PPP2R2B: variants seen among roughly 807,000 people sequenced by gnomAD.
The protein encoded by PPP2R2B is serine/threonine-protein phosphatase 2A 55 kDa regulatory subunit B beta isoform.
In PPP2R2B, 5 loss-of-function variants were observed where a neutral mutation model predicts 46.0. The ratio of observed to expected loss-of-function variants is 0.11; its 90% confidence interval spans 0.06 to 0.23. The LOEUF (loss-of-function observed/expected upper bound fraction) is 0.23, where lower values mean the gene tolerates loss of function less well. Among genes scored for constraint, PPP2R2B ranks in the 10% least tolerant of loss-of-function variants. The pLI, the probability that PPP2R2B is intolerant of heterozygous loss-of-function variation, is 1.00. For missense variants in PPP2R2B, 367 were observed against 575.0 expected (o/e 0.64, Z 3.70); for synonymous variants, 215 against 206.7 (o/e 1.04, Z -0.34).
Position 146,604,175 on chromosome 5 carries a change from A to C in PPP2R2B, c.791-3715T>G, listed in dbSNP as rs748933161. Among the ~76,000 whole-genome samples, 76 of 152,340 alleles carry C rather than the reference A, an allele frequency of 5.0e-4. 1 individual carries two copies. Among genetic ancestry groups the C allele is most frequent in the Admixed American group, 3.9e-4 (6 of 15,298 alleles). ...ACAAATGTGGTTACAGTTGTGAATA[A>C]GTGTGATTTTACTGTGTTATCAGAC... is the stretch of plus-strand genomic sequence containing the variant. On this transcript the variant is annotated intron_variant, in intron 7 of 9. Coordinates refer to ENST00000394411, the MANE Select transcript of PPP2R2B (RefSeq NM_181675.4).
chr5:146,697,514 T>G (rs969204953), intron 4 of PPP2R2B, among the ~76,000 whole-genome samples: 1 of 152,226 alleles, frequency 6.6e-6, no homozygotes, highest in Admixed American at 6.5e-5. Context: ...CTTCTTGCCT[T>G]GTGCTCCTAT....
At chr5:146,784,610 T>A (rs1217614841) in intron 2 of PPP2R2B, among the ~76,000 whole-genome samples, 1 of 152,184 alleles carries the variant, frequency 6.6e-6, no homozygotes, top group Non-Finnish European at 1.5e-5. Context: ...ATATAATATA[T>A]ACAGTCTGTA....
chr5:146,831,738 C>T (rs893685913), intron 2 of PPP2R2B, among the ~76,000 whole-genome samples: 6 of 152,238 alleles, frequency 3.9e-5, no homozygotes, highest in South Asian at 2.1e-4. Context: ...TGCAGTGAGC[C>T]GAGATTGTGC....
rs1339368216 is a variant in PPP2R2B at position 146,878,119 on chromosome 5, T to G, written c.-48A>C. On this transcript the variant is annotated 5_prime_UTR_variant, in exon 2 of 10. Transcript: ENST00000394411. The surrounding 1 kb of genome is among the most constrained non-coding windows in gnomAD (Gnocchi z 4.5). ...GGAACCAGAAGCCGGCAGACAAGTA[T>G]CCATGATCCCTCCCCGCAGCCAGTC... 6.2e-7 allele frequency: 1 copy of G among 1,613,494 alleles called. No homozygotes were observed. Among genetic ancestry groups the G allele is most frequent in the African/African-American group, 1.3e-5 (1 of 74,886 alleles).
intron 2 of PPP2R2B, among the ~76,000 whole-genome samples, chr5:146,813,413 C>G (rs1280718331): frequency 2.0e-5 from 3 of 152,060 alleles, no homozygotes; most frequent in Non-Finnish European, 2.9e-5. Flanking sequence ...TACCTATAAA[C>G]TTTGTACCAA....
At chr5:146,701,998 C>G (rs919080116) in intron 2 of PPP2R2B, among the ~76,000 whole-genome samples, 1 of 151,318 alleles carries the variant, frequency 6.6e-6, no homozygotes, top group Admixed American at 6.6e-5. Context: ...GAGGTTAATT[C>G]CCCCACAATT....
At chr5:146,862,075 T>C (rs1442601203) in intron 2 of PPP2R2B, among the ~76,000 whole-genome samples, 1 of 152,204 alleles carries the variant, frequency 6.6e-6, no homozygotes, top group Non-Finnish European at 1.5e-5. Flanking sequence ...TGATCTTAAT[T>C]AGCCAGTACA....
chr5:146,682,916 G>C (rs1018844315), intron 5 of PPP2R2B, among the ~76,000 whole-genome samples: 1 of 152,208 alleles, frequency 6.6e-6, no homozygotes, highest in Non-Finnish European at 1.5e-5. Context: ...CCTTGAGGCA[G>C]GAGGAGACAA....
rs190364445 is a variant in PPP2R2B at position 147,021,453 on chromosome 5, C to A, written c.79+34212G>T. Among the ~76,000 whole-genome samples the A allele has an allele frequency of 7.7e-3, 1,172 of 152,264 alleles. 10 individuals carry two copies. The highest frequency in any genetic ancestry group is 9.9e-3 in the Non-Finnish European group (676 of 68,028). ...GGTTGAATACTAAGATGCACATGTGCAGTGTGAGACTCCACAGGCTTGGCA... is the reference window on the plus strand; with the variant it reads ...GGTTGAATACTAAGATGCACATGTGAAGTGTGAGACTCCACAGGCTTGGCA... On this transcript the variant is annotated intron_variant, in intron 1 of 8. Coordinates refer to the PPP2R2B transcript ENST00000336640.
chr5:146,824,144 T>G (rs771972186), intron 2 of PPP2R2B, among the ~76,000 whole-genome samples: 7 of 152,198 alleles, frequency 4.6e-5, no homozygotes, highest in Non-Finnish European at 4.4e-5. Flanking sequence ...TATATGTAAT[T>G]ATGTCAAATC....
chr5:146,947,390 G>C (rs941346455), intron 1 of PPP2R2B, among the ~76,000 whole-genome samples: 2 of 152,112 alleles, frequency 1.3e-5, no homozygotes, highest in Admixed American at 6.6e-5. Context: ...AGGATCAACA[G>C]GGACCAGCAC....
intron 9 of PPP2R2B, among the ~76,000 whole-genome samples, chr5:146,590,930 TAATGGACA>T (rs1770582690): frequency 1.3e-5 from 2 of 148,150 alleles, no homozygotes; most frequent in Non-Finnish European, 2.9e-5. Flanking sequence ...TTCCCACACT[TAATGGACA>T]GATGGTTTCC....
intron 1 of PPP2R2B, among the ~76,000 whole-genome samples, chr5:146,959,712 G>A (rs1752084972): frequency 6.6e-6 from 1 of 152,174 alleles, no homozygotes; most frequent in South Asian, 2.1e-4. Flanking sequence ...AGCCAGGCAA[G>A]GGAAGAGGAG....
chr5:147,056,253 G>T, upstream of PPP2R2B: 1 of 306,888 alleles, frequency 3.3e-6, no homozygotes, highest in Non-Finnish European at 4.8e-6. Context: ...CACCCGTAAT[G>T]CCATGGATCT....
intron 2 of PPP2R2B, among the ~76,000 whole-genome samples, chr5:146,833,678 G>A (rs1453586705): frequency 6.6e-6 from 1 of 152,018 alleles, no homozygotes; most frequent in East Asian, 1.9e-4. Flanking sequence ...TTAATGAGAT[G>A]GTCATTGGAG....
At chr5:146,963,609 C>G (rs888039646) in intron 1 of PPP2R2B, among the ~76,000 whole-genome samples, 1 of 152,158 alleles carries the variant, frequency 6.6e-6, no homozygotes, top group Non-Finnish European at 1.5e-5. Flanking sequence ...TGAACATATA[C>G]GGCACCTTCA....
At chr5:146,702,659 A>G (rs1449435794) in intron 2 of PPP2R2B, among the ~76,000 whole-genome samples, 1 of 152,234 alleles carries the variant, frequency 6.6e-6, no homozygotes, top group Non-Finnish European at 1.5e-5. Flanking sequence ...AATCTCTTAA[A>G]GTTTATACAT....
chr5:146,976,573 C>G (rs1262047659), intron 1 of PPP2R2B, among the ~76,000 whole-genome samples: 1 of 152,136 alleles, frequency 6.6e-6, no homozygotes, highest in Non-Finnish European at 1.5e-5. Flanking sequence ...ACACAATTTA[C>G]TGAAAAAGAA....
intron 4 of PPP2R2B, among the ~76,000 whole-genome samples, chr5:146,696,239 GACT>G (rs1779173233): frequency 6.6e-6 from 1 of 152,034 alleles, no homozygotes; most frequent in African/African-American, 2.4e-5. Flanking sequence ...GAGTAGCCAG[GACT>G]ACAGGTGCCG....
Sources: allele counts gnomAD v4.1 joint callset (sites outside exome capture counted in the v4.1 genomes callset), GRCh38; gene constraint gnomAD v4.1.1; non-coding constraint Gnocchi (gnomAD v3.1); transcripts MANE v1.5; gene names NCBI Gene and HGNC (gene_info 2026-07-23, HGNC 2026-07-21).